The following LRMDA variants were observed in gnomAD, a reference collection of about 807,000 sequenced individuals.
LRMDA encodes the protein leucine rich melanocyte differentiation associated, also known as leucine-rich melanocyte differentiation-associated protein.
A neutral mutation model predicts 29.8 loss-of-function variants in LRMDA; 18 were observed. The observed-to-expected ratio is 0.60, with a 90% CI of 0.42 to 0.90. The LOEUF (loss-of-function observed/expected upper bound fraction) is 0.90. Among genes scored for constraint, LRMDA ranks in the 40% least tolerant of loss-of-function variants. The pLI is 0.00. For missense variants in LRMDA, 273 were observed against 273.9 expected (o/e 1.00, Z 0.02); for synonymous variants, 125 against 109.4 (o/e 1.14, Z -0.89).
At chr10:76,265,524 G>T (rs79252991) in intron 5 of LRMDA, among the ~76,000 whole-genome samples, 16 of 152,194 alleles carry the variant, frequency 1.1e-4, no homozygotes, top group African/African-American at 3.9e-4. Flanking sequence ...GATCATTCTC[G>T]GGAAGTGCTC....
At chr10:76,003,751 AG>A (rs1013464705) in intron 2 of LRMDA, among the ~76,000 whole-genome samples, 4 of 152,176 alleles carry the variant, frequency 2.6e-5, no homozygotes, top group African/African-American at 9.7e-5. Flanking sequence ...AGTGTCTGAT[AG>A]GGGGAGGAAG....
At chr10:76,139,440 C>A (rs1405494875) in intron 5 of LRMDA, among the ~76,000 whole-genome samples, 1 of 152,034 alleles carries the variant, frequency 6.6e-6, no homozygotes, top group African/African-American at 2.4e-5. Flanking sequence ...CACGCACAGA[C>A]GCACATGCTT....
intron 2 of LRMDA, among the ~76,000 whole-genome samples, chr10:75,992,153 A>G (rs1847381445): frequency 6.6e-6 from 1 of 152,150 alleles, no homozygotes; most frequent in Non-Finnish European, 1.5e-5. Context: ...AGGGGTCCAG[A>G]TAGGTTAAAC....
At position 75,513,720 on chromosome 10, in the gene LRMDA, G is replaced by A. The variant is rs572842028; in HGVS notation, c.131+75226G>A. On this transcript the variant is annotated intron_variant, in intron 2 of 6. Coordinates refer to ENST00000611255, the MANE Select transcript of LRMDA (RefSeq NM_001305581.2). ...TCGGCCCGGTGTCACTCCAACCTCC[G>A]TTTCTGATTTTACATCTTCTTCTTA... 3.3e-5 allele frequency among the ~76,000 whole-genome samples: 5 copies of A among 152,124 alleles called. No homozygotes were observed. In the East Asian group the frequency reaches 5.8e-4, roughly 18 times the overall value.
chr10:76,225,100 A>G (rs564432715), intron 5 of LRMDA, among the ~76,000 whole-genome samples: 1 of 151,998 alleles, frequency 6.6e-6, no homozygotes, highest in Admixed American at 6.6e-5. Flanking sequence ...ACGCCGCCAA[A>G]TCTCATGCTG....
At chr10:76,278,472 C>A (rs1017553096) in intron 5 of LRMDA, among the ~76,000 whole-genome samples, 1 of 152,174 alleles carries the variant, frequency 6.6e-6, no homozygotes, top group African/African-American at 2.4e-5. Context: ...GTCAGTGGAT[C>A]AGCCAGGGAG....
chr10:76,309,185 A>G (rs1840597955), intron 5 of LRMDA, among the ~76,000 whole-genome samples: 1 of 152,146 alleles, frequency 6.6e-6, no homozygotes, highest in African/African-American at 2.4e-5. Context: ...GGGGACTCTG[A>G]ATTAATCTTC....
chr10:76,551,226 C>A (rs567205032), intron 6 of LRMDA, among the ~76,000 whole-genome samples: 1 of 152,146 alleles, frequency 6.6e-6, no homozygotes, highest in East Asian at 1.9e-4. Flanking sequence ...AAAAACACCA[C>A]CACGATTTAG....
chr10:76,332,048 G>C (rs999903921), intron 6 of LRMDA, among the ~76,000 whole-genome samples: 1 of 152,142 alleles, frequency 6.6e-6, no homozygotes, highest in Admixed American at 6.5e-5. Flanking sequence ...TAAAAACTCC[G>C]GTCTGGGTCA....
chr10:75,981,288 T>C (rs1046762407), intron 2 of LRMDA, among the ~76,000 whole-genome samples: 1 of 152,224 alleles, frequency 6.6e-6, no homozygotes, highest in Non-Finnish European at 1.5e-5. Context: ...GTTGTATCAT[T>C]CATTCATCTA....
intron 3 of LRMDA, among the ~76,000 whole-genome samples, chr10:76,043,014 G>A (rs1254874727): frequency 3.9e-5 from 6 of 152,024 alleles, no homozygotes; most frequent in African/African-American, 1.4e-4. Flanking sequence ...GAGGCAGGTG[G>A]ATCTCCTGAG....
intron 5 of LRMDA, among the ~76,000 whole-genome samples, chr10:76,084,372 T>C (rs1424508860): frequency 7.7e-6 from 1 of 129,178 alleles, no homozygotes; most frequent in East Asian, 2.2e-4. Context: ...TAATTTTTTT[T>C]TTTTTTTTTT....
intron 3 of LRMDA, among the ~76,000 whole-genome samples, chr10:76,038,739 A>G (rs1242158363): frequency 6.6e-6 from 1 of 152,228 alleles, no homozygotes; most frequent in African/African-American, 2.4e-5. Context: ...TCTAGGTTCC[A>G]TATTGTTATT....
chr10:75,948,999 C>A lies in LRMDA; in HGVS notation c.132-87009C>A, dbSNP rs115323103. 4.9e-3 allele frequency among the ~76,000 whole-genome samples: 746 copies of A among 151,958 alleles called. 9 individuals are homozygous for A. The highest frequency in any genetic ancestry group is 0.017 in the African/African-American group (719 of 41,430). On this transcript the variant is annotated intron_variant, in intron 2 of 6. Coordinates refer to ENST00000611255, the MANE Select transcript of LRMDA (RefSeq NM_001305581.2). ...TCCCTGCATACACTTCAATTCTAAG[C>A]TTTTGTGTGTGTGTGTAAAATGTGT...
intron 2 of LRMDA, among the ~76,000 whole-genome samples, chr10:75,914,086 TC>T (rs1228248142): frequency 5.3e-5 from 8 of 152,078 alleles, no homozygotes; most frequent in Non-Finnish European, 7.4e-5. Context: ...AGTGATATCA[TC>T]CGAAAAAAGC....
intron 5 of LRMDA, among the ~76,000 whole-genome samples, chr10:76,303,999 A>G (rs902503206): frequency 2.6e-5 from 4 of 152,060 alleles, no homozygotes; most frequent in African/African-American, 2.4e-5. Flanking sequence ...GACAGCCCTG[A>G]AGGCCCTTTC....
At chr10:75,726,013 A>C (rs1433713263) in intron 2 of LRMDA, among the ~76,000 whole-genome samples, 1 of 152,142 alleles carries the variant, frequency 6.6e-6, no homozygotes, top group Admixed American at 6.5e-5. Context: ...TCTTATCTCC[A>C]AGGGGACCGT....
intron 2 of LRMDA, among the ~76,000 whole-genome samples, chr10:75,923,138 C>T (rs1846054421): frequency 1.3e-5 from 2 of 152,208 alleles, no homozygotes; most frequent in Non-Finnish European, 2.9e-5. Flanking sequence ...TTCCTTAGTA[C>T]CTCATTACAT....
In LRMDA at chr10:76,442,006, T is replaced by C. The variant is rs528714706; in HGVS notation, c.602-115203T>C. Among the ~76,000 whole-genome samples, 10 of 152,330 alleles carry C rather than the reference T, an allele frequency of 6.6e-5. No individual in the cohort carries two copies. In the South Asian group the frequency reaches 2.1e-3, roughly 32 times the overall value. ...CACTTTGGTGTATTATTCCCACATT[T>C]AAATGGACAAAGTTTGCTCATAGAA... On this transcript the variant is annotated intron_variant, in intron 6 of 6. Transcript: ENST00000611255.
Sources: allele counts gnomAD v4.1 joint callset (sites outside exome capture counted in the v4.1 genomes callset), GRCh38; gene constraint gnomAD v4.1.1; transcripts MANE v1.5; gene names NCBI Gene and HGNC (gene_info 2026-07-23, HGNC 2026-07-21).